The following SLC9B1 variants were observed in gnomAD, a reference collection of about 807,000 sequenced individuals.
SLC9B1 encodes solute carrier family 9 member B1.
A neutral mutation model predicts 51.7 loss-of-function variants in SLC9B1; 32 were observed. The observed-to-expected ratio is 0.62, with a 90% CI of 0.47 to 0.83. The LOEUF is 0.83. SLC9B1 is among the 40% of genes least tolerant of loss of function. The pLI is 0.00. For synonymous variants in SLC9B1, 145 were observed against 212.7 expected (o/e 0.68, Z 2.77); for missense variants, 406 against 613.2 (o/e 0.66, Z 3.57).
downstream of SLC9B1, chr4:102,897,561 T>A (rs1734598889): frequency 3.3e-6 from 1 of 306,042 alleles, no homozygotes; most frequent in Non-Finnish European, 6.4e-6. Context: ...AGCACCTTCT[T>A]CAATTTACTT....
chr4:102,970,386 C>T (rs1394442304), intron 3 of SLC9B1, among the ~76,000 whole-genome samples: 1 of 152,162 alleles, frequency 6.6e-6, no homozygotes, highest in African/African-American at 2.4e-5. Context: ...TCCAGTCAAA[C>T]TAAGCTTCAT....
chr4:102,981,490 G>A (rs1228038786), intron 3 of SLC9B1, among the ~76,000 whole-genome samples: 1 of 152,130 alleles, frequency 6.6e-6, no homozygotes, highest in South Asian at 2.1e-4. Flanking sequence ...GAAAGTTCCT[G>A]TTGCTCCGTA....
At chr4:102,973,984 C>T (rs1224587988) in intron 3 of SLC9B1, among the ~76,000 whole-genome samples, 1 of 151,792 alleles carries the variant, frequency 6.6e-6, no homozygotes, top group Non-Finnish European at 1.5e-5. Context: ...GCCTGTAATC[C>T]CAGCACTTTG....
At chr4:102,933,362 T>G (rs1736559414) in intron 6 of SLC9B1, among the ~76,000 whole-genome samples, 1 of 152,196 alleles carries the variant, frequency 6.6e-6, no homozygotes, top group Admixed American at 6.5e-5. Context: ...TGCTACAGAT[T>G]TCCCTGTGGG....
At chr4:102,903,128 G>A (rs1312289044) in intron 11 of SLC9B1, among the ~76,000 whole-genome samples, 7 of 152,130 alleles carry the variant, frequency 4.6e-5, no homozygotes, top group Admixed American at 4.6e-4. Flanking sequence ...ACAGGAATAG[G>A]CAGAAGCAGA....
At chr4:102,950,240 A>C (rs1026516183) in intron 3 of SLC9B1, among the ~76,000 whole-genome samples, 1 of 152,194 alleles carries the variant, frequency 6.6e-6, no homozygotes, top group Non-Finnish European at 1.5e-5. Context: ...TATTTGGCAT[A>C]AATGTATTAG....
chr4:102,941,504 C>T (rs752478766), intron 6 of SLC9B1: 5 of 454,656 alleles, frequency 1.1e-5, no homozygotes, highest in East Asian at 7.0e-5. Context: ...CAGATGCTGG[C>T]GAGCTTGGGG....
At chr4:102,902,533 C>T (rs530134837) in intron 11 of SLC9B1, among the ~76,000 whole-genome samples, 2 of 151,878 alleles carry the variant, frequency 1.3e-5, no homozygotes, top group Admixed American at 6.6e-5. Context: ...ACAGAAAAAA[C>T]AAAAAACAAA....
In SLC9B1 at chr4:102,945,226, A is replaced by T; in HGVS notation, c.620T>A (p.Met207Lys). Residue 207 changes from methionine to lysine, a missense_variant, in exon 6 of 12, where the codon ATG (methionine) becomes AAG (lysine). By Grantham distance (95) the Met-to-Lys change is moderately conservative. Around this residue, in one of 6 missense-constraint regions of SLC9B1, gnomAD observed 250 missense variants for 394.1 expected, o/e 0.63. Coordinates refer to ENST00000296422, the MANE Select transcript of SLC9B1 (RefSeq NM_139173.4). ...SAAAVFSHFI[M>K]KFPWQWAFLL... Reference sequence around the variant, plus strand: ...AAATGCCCATTGCCAGGGAAATTTCATAATGAAGTGTGAAAAAACAGCAGC... The same window carrying T: ...AAATGCCCATTGCCAGGGAAATTTCTTAATGAAGTGTGAAAAAACAGCAGC... 1 of 1,609,102 alleles carries T rather than the reference A, an allele frequency of 6.2e-7. No individual in the cohort carries two copies. Among genetic ancestry groups the T allele is most frequent in the Non-Finnish European group, 8.5e-7 (1 of 1,176,588 alleles).
chr4:102,940,036 C>G (rs1390552499), intron 6 of SLC9B1, among the ~76,000 whole-genome samples: 1 of 152,126 alleles, frequency 6.6e-6, no homozygotes, highest in Non-Finnish European at 1.5e-5. Context: ...ACACAGACAT[C>G]TAAATAGGAA....
At chr4:102,942,642 G>A (rs1284830043) in intron 6 of SLC9B1, among the ~76,000 whole-genome samples, 2 of 152,192 alleles carry the variant, frequency 1.3e-5, no homozygotes, top group Non-Finnish European at 2.9e-5. Flanking sequence ...GAATGAAACT[G>A]GATCCTCATC....
chr4:102,910,029 G>T (rs979813009), intron 9 of SLC9B1, among the ~76,000 whole-genome samples: 2 of 151,968 alleles, frequency 1.3e-5, no homozygotes, highest in African/African-American at 4.8e-5. Context: ...TGGCCACACT[G>T]GTCTCAAACT....
At chr4:102,924,738 G>A (rs1736070285) in intron 7 of SLC9B1, among the ~76,000 whole-genome samples, 3 of 152,106 alleles carry the variant, frequency 2.0e-5, no homozygotes, top group Admixed American at 6.6e-5. Context: ...TCAAAAAGTA[G>A]GCAAAGGATA....
Position 102,906,457 on chromosome 4 carries a change from T to C in SLC9B1, c.1195+79A>G, listed in dbSNP as rs566605953. On this transcript the variant is annotated intron_variant, in intron 10 of 11. Transcript: ENST00000296422. Reference sequence around the variant, plus strand: ...AAGGTCGTTGTAGCCAAAGATATATTGTAAATAAAAATAAATGTATTTATA... The same window carrying C: ...AAGGTCGTTGTAGCCAAAGATATATCGTAAATAAAAATAAATGTATTTATA... 3,297 of 760,872 alleles carry C rather than the reference T, an allele frequency of 4.3e-3. 9 individuals are homozygous for C. The highest frequency in any genetic ancestry group is 5.5e-3 in the Non-Finnish European group (2,696 of 487,812). The allele number at this position is 760,872 out of a possible 1,614,324, so 47.1% of individuals were successfully genotyped here.
intron 7 of SLC9B1, among the ~76,000 whole-genome samples, chr4:102,913,532 G>A (rs1196645528): frequency 6.6e-6 from 1 of 151,828 alleles, no homozygotes; most frequent in East Asian, 1.9e-4. Context: ...TTTTTCAAAC[G>A]TCCAAATCTT....
downstream of SLC9B1, among the ~76,000 whole-genome samples, chr4:102,900,542 G>T (rs1209270761): frequency 6.6e-6 from 1 of 152,080 alleles, no homozygotes; most frequent in Non-Finnish European, 1.5e-5. Flanking sequence ...TCATTTTAAG[G>T]GCATGGCAGA....
At chr4:102,906,489 T>C in intron 10 of SLC9B1, 47 bp downstream of exon 10, 1 of 945,586 alleles carries the variant, frequency 1.1e-6, no homozygotes. Flanking sequence ...TATAATTTTC[T>C]TAAATATTTT....
At chr4:102,948,287 A>C (rs1156831081) in intron 4 of SLC9B1, among the ~76,000 whole-genome samples, 1 of 151,096 alleles carries the variant, frequency 6.6e-6, no homozygotes, top group African/African-American at 2.4e-5. Context: ...CATTCCATGA[A>C]TCTAGTATCA....
intron 1 of SLC9B1, among the ~76,000 whole-genome samples, chr4:103,016,485 C>T (rs1741350202): frequency 6.6e-6 from 1 of 152,164 alleles, no homozygotes; most frequent in African/African-American, 2.4e-5. Context: ...CTTGACACCA[C>T]ATTTTCTCTT....
Sources: allele counts gnomAD v4.1 joint callset (sites outside exome capture counted in the v4.1 genomes callset), GRCh38; gene constraint gnomAD v4.1.1; regional missense constraint gnomAD v4.1.1; transcripts MANE v1.5; gene names NCBI Gene and HGNC (gene_info 2026-07-23, HGNC 2026-07-21).